CNTLN: variants seen among roughly 807,000 people sequenced by gnomAD.
CNTLN encodes the protein centlein, centrosomal protein.
In CNTLN, 212 loss-of-function variants were observed where a neutral mutation model predicts 180.0. That is an observed-to-expected ratio of 1.18 (90% CI 1.05 to 1.32). The LOEUF (loss-of-function observed/expected upper bound fraction) is 1.32, where lower values mean the gene tolerates loss of function less well. CNTLN is among the 40% of genes most tolerant of loss of function. CNTLN has a pLI of 0.00. For synonymous variants in CNTLN, 722 were observed against 563.1 expected, an observed-to-expected ratio of 1.28 and a Z score of -3.99; for missense variants, 2,095 against 1,610.9, an observed-to-expected ratio of 1.30 and a Z score of -5.14.
At chr9:17,463,761 T>G (rs1248338588) in intron 20 of CNTLN, among the ~76,000 whole-genome samples, 2 of 151,642 alleles carry the variant, frequency 1.3e-5, no homozygotes, top group Non-Finnish European at 3.0e-5. Context: ...GGCTCTAGAT[T>G]AACACTCTTT....
chr9:17,217,477 A>C (rs923320085), intron 2 of CNTLN, among the ~76,000 whole-genome samples: 1 of 152,248 alleles, frequency 6.6e-6, no homozygotes, highest in Admixed American at 6.5e-5. Flanking sequence ...TGTTGTACCA[A>C]CTGGATGGCT....
intron 18 of CNTLN, among the ~76,000 whole-genome samples, chr9:17,424,539 C>A (rs975689924): frequency 7.2e-5 from 11 of 152,092 alleles, no homozygotes; most frequent in Non-Finnish European, 1.5e-4. Context: ...GTGGCCATTA[C>A]CCATAGCACA....
At chr9:17,270,675 TG>T (rs1292843354) in intron 5 of CNTLN, among the ~76,000 whole-genome samples, 15 of 152,198 alleles carry the variant, frequency 9.9e-5, no homozygotes, top group Non-Finnish European at 2.2e-4. Flanking sequence ...ATTCATTTAT[TG>T]TAATGTTTAT....
At chr9:17,370,969 A>G (rs1824270575) in intron 13 of CNTLN, among the ~76,000 whole-genome samples, 1 of 152,062 alleles carries the variant, frequency 6.6e-6, no homozygotes, top group African/African-American at 2.4e-5. Flanking sequence ...GCAAAAAATA[A>G]AAAGAAAGGA....
intron 10 of CNTLN, among the ~76,000 whole-genome samples, chr9:17,333,958 A>G (rs1443428516): frequency 1.3e-5 from 2 of 152,194 alleles, no homozygotes; most frequent in East Asian, 3.9e-4. Context: ...TAAGAAGGTA[A>G]GTAAGTAGTT....
At chr9:17,456,588 A>G (rs1446181171) in intron 18 of CNTLN, among the ~76,000 whole-genome samples, 2 of 152,198 alleles carry the variant, frequency 1.3e-5, no homozygotes. Flanking sequence ...ATCTTACTGT[A>G]CACTTTAGCT....
intron 12 of CNTLN, among the ~76,000 whole-genome samples, chr9:17,366,367 C>A (rs1333768916): frequency 6.6e-6 from 1 of 152,054 alleles, no homozygotes; most frequent in African/African-American, 2.4e-5. Flanking sequence ...TGGTCTTGAA[C>A]TTCTAGTCTC....
chr9:17,289,050 T>C (rs1157030347), intron 6 of CNTLN, among the ~76,000 whole-genome samples: 1 of 125,062 alleles, frequency 8.0e-6, no homozygotes, highest in Non-Finnish European at 1.6e-5. Flanking sequence ...ATCCTGTCAT[T>C]ATGATGTTAG....
intron 2 of CNTLN, among the ~76,000 whole-genome samples, chr9:17,194,710 A>G (rs1822011782): frequency 6.6e-6 from 1 of 152,020 alleles, no homozygotes; most frequent in African/African-American, 2.4e-5. Flanking sequence ...TCACTTCCAC[A>G]TTTTCAGGTA....
At chr9:17,217,652 G>A (rs1046014552) in intron 2 of CNTLN, among the ~76,000 whole-genome samples, 2 of 152,046 alleles carry the variant, frequency 1.3e-5, no homozygotes, top group African/African-American at 2.4e-5. Context: ...CTAGATTCTG[G>A]GTGAAAAATA....
At chr9:17,164,917 C>T (rs1434148729) in intron 2 of CNTLN, among the ~76,000 whole-genome samples, 1 of 149,854 alleles carries the variant, frequency 6.7e-6, no homozygotes, top group African/African-American at 2.5e-5. Context: ...CTCACTGCGA[C>T]CTCTGCCACC....
At chr9:17,266,197 A>G (rs1827426942) in intron 5 of CNTLN, among the ~76,000 whole-genome samples, 2 of 151,922 alleles carry the variant, frequency 1.3e-5, no homozygotes, top group African/African-American at 2.4e-5. Context: ...TTCCTTCTAC[A>G]CACTGCTTTG....
At chr9:17,479,654 T>G (rs7031001) in intron 23 of CNTLN, among the ~76,000 whole-genome samples, 4,924 of 152,240 alleles carry the variant, frequency 0.032, 273 homozygotes, top group African/African-American at 0.11. Context: ...ACTTAAAATT[T>G]TGTTAAGAGA....
chr9:17,207,975 G>T (rs1823042891), intron 2 of CNTLN, among the ~76,000 whole-genome samples: 1 of 151,972 alleles, frequency 6.6e-6, no homozygotes, highest in Admixed American at 6.6e-5. Context: ...TTGTCTGATT[G>T]CTCTAGCTAG....
rs554981424 is a variant in CNTLN at position 17,481,938 on chromosome 9, C to T, written c.3856-2357C>T. ...TGTTCAGATCCAAAGGTTGGACTGA[C>T]TGGTGAAGGACTATTCCTGCTGAAG... On this transcript the variant is annotated intron_variant, in intron 23 of 25. Coordinates refer to ENST00000380647, the MANE Select transcript of CNTLN (RefSeq NM_017738.4). 2.0e-5 allele frequency among the ~76,000 whole-genome samples: 3 copies of T among 152,308 alleles called. No individual in the cohort carries two copies. In the East Asian group the frequency reaches 5.8e-4, roughly 29 times the overall value.
At chr9:17,511,631 A>ATG in the CNTLN span, among the ~76,000 whole-genome samples, 2 of 143,292 alleles carry the variant, frequency 1.4e-5, no homozygotes, top group Non-Finnish European at 3.0e-5. Context: ...AACTTGCTTT[A>ATG]TCTCTCTCTC....
At chr9:17,344,266 C>G (rs1001708763) in intron 12 of CNTLN, among the ~76,000 whole-genome samples, 6 of 152,158 alleles carry the variant, frequency 3.9e-5, no homozygotes, top group Non-Finnish European at 8.8e-5. Flanking sequence ...TTACAAATAG[C>G]TCCTTGAATT....
intron 12 of CNTLN, among the ~76,000 whole-genome samples, chr9:17,356,457 A>G (rs920371786): frequency 6.6e-6 from 1 of 152,166 alleles, no homozygotes; most frequent in Admixed American, 6.5e-5. Context: ...TATGTCTTGA[A>G]TGCTTCAGAG....
chr9:17,275,657 G>A (rs1828262498), intron 6 of CNTLN, among the ~76,000 whole-genome samples: 1 of 152,022 alleles, frequency 6.6e-6, no homozygotes, highest in African/African-American at 2.4e-5. Context: ...TAAGGACATG[G>A]GATATAACAA....
Sources: gnomAD v4.1 joint callset for allele counts (sites outside exome capture counted in the v4.1 genomes callset) on GRCh38, gnomAD v4.1.1 for gene constraint, MANE v1.5 for transcripts, NCBI Gene and HGNC (gene_info 2026-07-23, HGNC 2026-07-21) for gene names.